SHARPIN: variants seen among roughly 807,000 people sequenced by gnomAD.
The protein encoded by SHARPIN is SHANK associated RH domain interactor.
SHARPIN carries 25 observed loss-of-function variants against 40.3 expected under a neutral mutation model. That is an observed-to-expected ratio of 0.62 (90% CI 0.45 to 0.87). The LOEUF is 0.87. Among genes scored for constraint, SHARPIN ranks in the 40% least tolerant of loss-of-function variants. The pLI is 0.00. For synonymous variants in SHARPIN, 274 were observed against 221.8 expected (o/e 1.24, Z -2.09); for missense variants, 551 against 516.1 (o/e 1.07, Z -0.66).
At chr8:144,099,250 C>G (rs1477068687) in intron 6 of SHARPIN, 27 bp downstream of exon 6, 2 of 1,613,676 alleles carry the variant, frequency 1.2e-6, no homozygotes, top group South Asian at 2.2e-5. Flanking sequence ...CCCCACCTCC[C>G]ACACCCCACC....
intron 2 of SHARPIN, among the ~76,000 whole-genome samples, chr8:144,102,395 C>T (rs1836304533): frequency 6.6e-6 from 1 of 151,662 alleles, no homozygotes; most frequent in Non-Finnish European, 1.5e-5. Flanking sequence ...GCCTCAGCCT[C>T]CCCAAGTAGC....
intron 1 of SHARPIN, 37 bp from the exon 2 acceptor site, chr8:144,103,262 C>G (rs576069602): frequency 1.3e-6 from 2 of 1,565,312 alleles, no homozygotes; most frequent in African/African-American, 1.4e-5. Flanking sequence ...GGGCGTCCCC[C>G]CGCCCTACAT....
rs755259384 is a variant in SHARPIN at position 144,099,078 on chromosome 8, C to T, written c.1047+3G>A. On this transcript the variant is annotated splice_donor_region_variant and intron_variant, in intron 7 of 8. Coordinates refer to ENST00000398712, the MANE Select transcript of SHARPIN (RefSeq NM_030974.4). Reference sequence around the variant, plus strand: ...GGCCCTCCCTGCCCAGTCCCGTGCCCACCTGGAGTGGACTGGGCAGGCTGG... The same window carrying T: ...GGCCCTCCCTGCCCAGTCCCGTGCCTACCTGGAGTGGACTGGGCAGGCTGG... The T allele has an allele frequency of 6.4e-7, 1 of 1,570,002 alleles. No individual in the cohort carries two copies. The highest frequency in any genetic ancestry group is 1.2e-5 in the South Asian group (1 of 86,816).
rs1836341347 is a variant in SHARPIN at position 144,103,677 on chromosome 8, G to A, written c.77C>T (p.Ala26Val). 1 of 1,520,986 alleles carries A rather than the reference G, an allele frequency of 6.6e-7. No individual in the cohort carries two copies. Among genetic ancestry groups the A allele is most frequent in the Non-Finnish European group, 8.8e-7 (1 of 1,141,136 alleles). 94.2% of individuals were successfully genotyped at this position (1,520,986 alleles called of 1,614,324 possible). ...CCCGGCGCCCAGCGGCCTCACCGCGGCGTGCACAGCCAAGAGCACTGCGGC... is the reference window on the plus strand; with the variant it reads ...CCCGGCGCCCAGCGGCCTCACCGCGACGTGCACAGCCAAGAGCACTGCGGC... ...GSAAVLLAVH[A>V]AVRPLGAGPD... Residue 26 changes from alanine (A) to valine (V), a missense_variant, in exon 1 of 9, where the codon GCC (alanine) becomes GTC (valine). Transcript: ENST00000398712.
In SHARPIN at chr8:144,099,601, T is replaced by C; in HGVS notation, c.677A>G (p.Glu226Gly). 1 of 1,614,012 alleles carries C rather than the reference T, an allele frequency of 6.2e-7. No homozygotes were observed. Among genetic ancestry groups the C allele is most frequent in the Non-Finnish European group, 8.5e-7 (1 of 1,179,972 alleles). Reference sequence around the variant, plus strand: ...GGCGGATGCGGCAGAGGCAGCGTCTTCAAGTGTGACCTGCAGCCTGTGCCA... The same window carrying C: ...GGCGGATGCGGCAGAGGCAGCGTCTCCAAGTGTGACCTGCAGCCTGTGCCA... ...PGPIRLQVTL[E>G]DAASAASAAS... Residue 226 changes from glutamate to glycine, a missense_variant, in exon 5 of 9, where the codon GAA becomes GGA. By Grantham distance (98) the Glu-to-Gly change is moderately conservative. Coordinates refer to ENST00000398712, the MANE Select transcript of SHARPIN (RefSeq NM_030974.4).
chr8:144,103,142 C>T lies in SHARPIN; in HGVS notation c.285G>A (p.Gly95=). ...TQHELQPPPG[G]PGTLSLHFLN... is the part of the protein sequence containing the mutation. ...GGAAGTGCAGGCTGAGGGTTCCAGGCCCTCCTGGTGGAGGCTGTAGCTCGT... is the reference window on the plus strand; with the variant it reads ...GGAAGTGCAGGCTGAGGGTTCCAGGTCCTCCTGGTGGAGGCTGTAGCTCGT... Residue 95 remains glycine (G), a synonymous_variant, in exon 2 of 9, where the codon GGG becomes GGA. Coordinates refer to ENST00000398712, the MANE Select transcript of SHARPIN (RefSeq NM_030974.4). 6.2e-7 allele frequency: 1 copy of T among 1,611,522 alleles called. No homozygotes were observed. The highest frequency in any genetic ancestry group is 8.5e-7 in the Non-Finnish European group (1 of 1,179,322).
At position 144,103,728 on chromosome 8, in the gene SHARPIN, G is replaced by A; in HGVS notation, c.26C>T (p.Ala9Val). Reference protein sequence around the residue: MAPPAGGAAAAASDLGSAA... With the variant: MAPPAGGAVAAASDLGSAA... ...GGAGCCCAAGTCCGAGGCCGCCGCC[G>A]CCGCCCCGCCCGCTGGCGGCGCCAT... Residue 9 changes from alanine (A) to valine (V), a missense_variant, in exon 1 of 9, where the codon GCG becomes GTG. Coordinates refer to ENST00000398712, the MANE Select transcript of SHARPIN (RefSeq NM_030974.4). 2.2e-6 allele frequency: 3 copies of A among 1,391,438 alleles called. No homozygotes were observed. Among genetic ancestry groups the A allele is most frequent in the Non-Finnish European group, 1.9e-6 (2 of 1,079,052 alleles). 86.2% of individuals were successfully genotyped at this position (1,391,438 alleles called of 1,614,324 possible).
chr8:144,103,394 T>G (rs1246344054), intron 1 of SHARPIN, among the ~76,000 whole-genome samples, 159 bp downstream of exon 1: 1 of 152,210 alleles, frequency 6.6e-6, no homozygotes, highest in Non-Finnish European at 1.5e-5. Flanking sequence ...TAGGTCCCAG[T>G]AGGTCCGAGC....
Position 144,103,174 on chromosome 8 carries a change from T to TG in SHARPIN, c.252dup (p.Thr85HisfsTer75), listed in dbSNP as rs756529630. On this transcript the variant is annotated frameshift_variant, in exon 2 of 9. Coordinates refer to ENST00000398712, the MANE Select transcript of SHARPIN (RefSeq NM_030974.4). LOFTEE classifies it high-confidence loss of function. Reference sequence around the variant, plus strand: ...GGTGGAGGCTGTAGCTCGTGCTGGGTGGGGCCTCGGATGGTGTAGGAAACT... The same window carrying TG: ...GGTGGAGGCTGTAGCTCGTGCTGGGTGGGGGCCTCGGATGGTGTAGGAAACT... 1 of 1,613,346 alleles carries TG rather than the reference T, an allele frequency of 6.2e-7. No homozygotes were observed.
In SHARPIN at chr8:144,098,805, G is replaced by A. The variant is rs1836220967; in HGVS notation, c.*13-17C>T. The A allele has an allele frequency of 8.5e-7, 1 of 1,182,058 alleles. No individual in the cohort carries two copies. The highest frequency in any genetic ancestry group is 1.2e-6 in the Non-Finnish European group (1 of 841,160). The allele number at this position is 1,182,058 out of a possible 1,614,324, so 73.2% of individuals were successfully genotyped here. Reference sequence around the variant, plus strand: ...CCTTGTAACCTGTGGGGGAGGAGCTGGGTCATTCCTGTGGATTCTGCCCTG... The same window carrying A: ...CCTTGTAACCTGTGGGGGAGGAGCTAGGTCATTCCTGTGGATTCTGCCCTG... On this transcript the variant is annotated splice_polypyrimidine_tract_variant and intron_variant, in intron 8 of 8. Transcript: ENST00000398712.
chr8:144,103,582 G>A lies in SHARPIN; in HGVS notation c.172C>T (p.Leu58=), dbSNP rs903877986. ...ADPERPGRFR[L]ELLGAGPGAV... Reference sequence around the variant, plus strand: ...CCAGGTCCCGCGCCCAGCAGCTCCAGCCGGAAGCGCCCAGGCCGCTCAGGG... The same window carrying A: ...CCAGGTCCCGCGCCCAGCAGCTCCAACCGGAAGCGCCCAGGCCGCTCAGGG... The change falls in exon 1 of 9, where the codon CTG becomes TTG. Residue 58 remains leucine, a synonymous_variant. Coordinates refer to ENST00000398712, the MANE Select transcript of SHARPIN (RefSeq NM_030974.4). The A allele has an allele frequency of 1.4e-5, 21 of 1,531,224 alleles. No homozygotes were observed. The highest frequency in any genetic ancestry group is 1.8e-5 in the Non-Finnish European group (21 of 1,145,150). The allele number at this position is 1,531,224 out of a possible 1,614,324, so 94.9% of individuals were successfully genotyped here.
rs777326803 is a variant in SHARPIN at position 144,099,323 on chromosome 8, C to T, written c.876G>A (p.Gly292=). The change falls in exon 6 of 9, where the codon GGG becomes GGA. Residue 292 remains glycine, a synonymous_variant. Coordinates refer to ENST00000398712, the MANE Select transcript of SHARPIN (RefSeq NM_030974.4). The part of the protein sequence containing the change: ...SLASYGVRQD[G]DPAFLYLLSA... ...ACAGCAAGTAGAGGAAAGCAGGGTC[C>T]CCATCCTGCCGAACCCCGTAAGAGG... 1.9e-6 allele frequency: 3 copies of T among 1,614,104 alleles called. No homozygotes were observed. Among genetic ancestry groups the T allele is most frequent in the Admixed American group, 1.7e-5 (1 of 60,016 alleles).
chr8:144,103,017 C>A (rs1836319426), intron 2 of SHARPIN, 34 bp downstream of exon 2: 2 of 1,612,434 alleles, frequency 1.2e-6, no homozygotes, highest in Admixed American at 3.3e-5. Context: ...AAGGCTATTC[C>A]AAATTGTAAT....
At position 144,103,638 on chromosome 8, in the gene SHARPIN, G is replaced by A; in HGVS notation, c.116C>T (p.Ala39Val). ...RPLGAGPDAE[A>V]QLRRLQLSAD... ...GCTCAGCTGCAGCCTCCGCAGCTGT[G>A]CCTCGGCGTCTGGCCCGGCGCCCAG... Residue 39 changes from alanine to valine, a missense_variant, in exon 1 of 9, where the codon GCA (alanine) becomes GTA (valine). Physicochemically the swap from Ala to Val is moderately conservative, Grantham distance 64. Transcript: ENST00000398712. The A allele has an allele frequency of 6.6e-7, 1 of 1,525,854 alleles. No homozygotes were observed. Among genetic ancestry groups the A allele is most frequent in the Non-Finnish European group, 8.7e-7 (1 of 1,143,284 alleles). 94.5% of individuals were successfully genotyped at this position (1,525,854 alleles called of 1,614,324 possible).
Position 144,099,318 on chromosome 8 carries a change from G to T in SHARPIN, c.881C>A (p.Pro294His). ...ASYGVRQDGD[P>H]AFLYLLSAPR... The stretch of plus-strand genomic sequence containing the variant: ...AGCTGACAGCAAGTAGAGGAAAGCA[G>T]GGTCCCCATCCTGCCGAACCCCGTA... The change falls in exon 6 of 9, where the codon CCT becomes CAT. Residue 294 changes from proline to histidine, a missense_variant. Coordinates refer to ENST00000398712, the MANE Select transcript of SHARPIN (RefSeq NM_030974.4). 6.2e-7 allele frequency: 1 copy of T among 1,614,132 alleles called. No homozygotes were observed.
chr8:144,100,165 C>A lies in SHARPIN; in HGVS notation c.377-96G>T, dbSNP rs957868314. On this transcript the variant is annotated intron_variant, in intron 2 of 8. Transcript: ENST00000398712. ...CCTTTGCCTTCTCCCTCACCTCAGT[C>A]CATGCCAGGGCCCTGCCTCAGGCCA... 6.5e-5 allele frequency: 94 copies of A among 1,447,820 alleles called. No individual in the cohort carries two copies. In the South Asian group the frequency reaches 1.1e-3, roughly 16 times the overall value. The allele number at this position is 1,447,820 out of a possible 1,614,324, so 89.7% of individuals were successfully genotyped here.
Position 144,098,738 on chromosome 8 carries a change from G to A in SHARPIN, c.*63C>T. On this transcript the variant is annotated 3_prime_UTR_variant, in exon 9 of 9. Transcript: ENST00000398712. Reference sequence around the variant, plus strand: ...AGTAGAGGTCCCCGGAGTTCAGTGGGGGCCTGGAGATGTCGGACTTGTGAG... The same window carrying A: ...AGTAGAGGTCCCCGGAGTTCAGTGGAGGCCTGGAGATGTCGGACTTGTGAG... 1 of 616,686 alleles carries A rather than the reference G, an allele frequency of 1.6e-6. No homozygotes were observed. Among genetic ancestry groups the A allele is most frequent in the Admixed American group, 3.6e-5 (1 of 28,072 alleles). 38.2% of individuals were successfully genotyped at this position (616,686 alleles called of 1,614,324 possible).
chr8:144,102,875 G>A (rs1240996922), intron 2 of SHARPIN, 176 bp downstream of exon 2: 6 of 751,406 alleles, frequency 8.0e-6, no homozygotes, highest in African/African-American at 5.2e-5. Flanking sequence ...GATGGTGTAG[G>A]AGACTGACTC....
At position 144,099,768 on chromosome 8, in the gene SHARPIN, C is replaced by A. The variant is rs1474674554; in HGVS notation, c.594G>T (p.Leu198=). The change falls in exon 4 of 9, where the codon CTG becomes CTT. Residue 198 remains leucine (L), a synonymous_variant. Coordinates refer to ENST00000398712, the MANE Select transcript of SHARPIN (RefSeq NM_030974.4). ...EKGAAQVAAV[L]AQHRVALSVQ... is the part of the protein sequence containing the mutation. ...CACTCAGGGCCACACGATGCTGGGCCAGGACGGCTGCCACTTGGGCTGCCC... is the reference window on the plus strand; with the variant it reads ...CACTCAGGGCCACACGATGCTGGGCAAGGACGGCTGCCACTTGGGCTGCCC... The A allele has an allele frequency of 6.2e-7, 1 of 1,613,122 alleles. No homozygotes were observed. Among genetic ancestry groups the A allele is most frequent in the South Asian group, 1.1e-5 (1 of 91,090 alleles).
Sources: gnomAD v4.1 joint callset for allele counts (sites outside exome capture counted in the v4.1 genomes callset) on GRCh38, gnomAD v4.1.1 for gene constraint, MANE v1.5 for transcripts, NCBI Gene and HGNC (gene_info 2026-07-23, HGNC 2026-07-21) for gene names.